Variants in RREB1 observed in about 807,000 individuals in gnomAD.
RREB1 encodes ras responsive element binding protein 1.
Under a neutral mutation model 117.8 loss-of-function variants are expected in RREB1, and 27 were observed. That is an observed-to-expected ratio of 0.23 (90% confidence interval 0.17 to 0.32). The LOEUF (loss-of-function observed/expected upper bound fraction) is 0.32, where lower values mean the gene tolerates loss of function less well. Among genes scored for constraint, RREB1 ranks in the 10% least tolerant of loss-of-function variants. RREB1 has a pLI of 1.00. For missense variants in RREB1, 2,577 were observed against 2,378.2 expected, an observed-to-expected ratio of 1.08 and a Z score of -1.74; for synonymous variants, 1,298 against 1,026.7, an observed-to-expected ratio of 1.26 and a Z score of -5.05.
Position 7,143,916 on chromosome 6 carries a change from T to C in RREB1, c.-284-32739T>C, listed in dbSNP as rs144407695. 4.2e-5 allele frequency among the ~76,000 whole-genome samples: 6 copies of C among 141,610 alleles called. No homozygotes were observed. In the East Asian group the frequency reaches 1.4e-3, roughly 32 times the overall value. The allele number at this position is 141,610 out of a possible 152,430, so 92.9% of individuals were successfully genotyped here. The stretch of plus-strand genomic sequence containing the variant: ...TTAAATACCACCATTTTGTCCACAC[T>C]AGAATTTCTTTGACCCAACTTACAT... On this transcript the variant is annotated intron_variant, in intron 1 of 12. Transcript: ENST00000379938.
chr6:7,186,587 G>A (rs1211701915), intron 4 of RREB1, among the ~76,000 whole-genome samples: 4 of 152,178 alleles, frequency 2.6e-5, no homozygotes, highest in African/African-American at 4.8e-5. Flanking sequence ...GGGACTGTGG[G>A]GGTGAGGAGT....
At chr6:7,126,280 G>T (rs868679246) in intron 1 of RREB1, among the ~76,000 whole-genome samples, 1 of 150,236 alleles carries the variant, frequency 6.7e-6, no homozygotes, top group South Asian at 2.1e-4. Context: ...GATTACAGGC[G>T]TGAGCCACTG....
intron 1 of RREB1, among the ~76,000 whole-genome samples, chr6:7,172,377 G>A (rs1382258315): frequency 6.6e-6 from 1 of 151,858 alleles, no homozygotes; most frequent in Non-Finnish European, 1.5e-5. Context: ...TGTCTTGAAT[G>A]TGGCCTGTAC....
intron 2 of RREB1, among the ~76,000 whole-genome samples, chr6:7,177,803 A>G (rs909548556): frequency 7.2e-5 from 11 of 151,946 alleles, no homozygotes; most frequent in African/African-American, 2.4e-4. Flanking sequence ...GCTCACTGCA[A>G]CCTCTGCCTC....
At chr6:7,211,800 C>T in intron 8 of RREB1, 91 bp downstream of exon 8, 1 of 1,352,256 alleles carries the variant, frequency 7.4e-7, no homozygotes, top group Non-Finnish European at 1.0e-6. Flanking sequence ...CACCGGGCTC[C>T]AGTGATTGAA....
rs1180723766 is a variant in RREB1, at chr6:7,231,803, A to G, written c.3704A>G (p.Lys1235Arg). 1 of 1,613,614 alleles carries G rather than the reference A, an allele frequency of 6.2e-7. No homozygotes were observed. The highest frequency in any genetic ancestry group is 1.3e-5 in the African/African-American group (1 of 74,934). ...SPPEDKLLRA[K>R]RNSYTNCLQK... is the part of the protein sequence containing the mutation. ...CCAGAAGACAAGCTGCTGAGGGCCA[A>G]GCGGAACTCGTACACCAACTGCCTG... The change falls in exon 10 of 13, where the codon AAG (lysine) becomes AGG (arginine). Residue 1235 changes from lysine to arginine, a missense_variant. Lys to Arg is a conservative substitution (Grantham distance 26, BLOSUM62 2). Transcript: ENST00000379938.
At chr6:7,184,793 G>C (rs1388881731) in intron 4 of RREB1, 1 of 151,254 alleles carries the variant, frequency 6.6e-6, no homozygotes, top group Non-Finnish European at 1.5e-5. Flanking sequence ...TTGTCTCCCT[G>C]TGGCTGGTCA....
At chr6:7,247,702 C>G (rs1207202902) in intron 12 of RREB1, among the ~76,000 whole-genome samples, 1 of 152,196 alleles carries the variant, frequency 6.6e-6, no homozygotes, top group Non-Finnish European at 1.5e-5. Flanking sequence ...TGCAGTTCGG[C>G]TGAGATGACT....
At chr6:7,114,906 AG>A (rs1332426025) in intron 1 of RREB1, among the ~76,000 whole-genome samples, 3 of 151,958 alleles carry the variant, frequency 2.0e-5, no homozygotes, top group Non-Finnish European at 4.4e-5. Flanking sequence ...CAGCTTTCCC[AG>A]TCACCTCTTC....
intron 8 of RREB1, among the ~76,000 whole-genome samples, chr6:7,220,199 T>C (rs1767163270): frequency 6.6e-6 from 1 of 152,204 alleles, no homozygotes; most frequent in Non-Finnish European, 1.5e-5. Flanking sequence ...TCTTATCCTC[T>C]TACAGAAACA....
intron 9 of RREB1, among the ~76,000 whole-genome samples, chr6:7,226,924 TC>T (rs1767617611): frequency 6.6e-6 from 1 of 152,200 alleles, no homozygotes; most frequent in African/African-American, 2.4e-5. Flanking sequence ...TTTTGTCCGT[TC>T]TTGGGTCTTT....
intron 11 of RREB1, 45 bp from the exon 12 acceptor site, chr6:7,246,379 C>G: frequency 1.4e-6 from 2 of 1,424,826 alleles, no homozygotes; most frequent in Admixed American, 2.8e-5. Context: ...ATGGGCGTAC[C>G]TGGTGGTGCC....
At chr6:7,202,517 G>A (rs1015749536) in intron 6 of RREB1, among the ~76,000 whole-genome samples, 15 of 152,154 alleles carry the variant, frequency 9.9e-5, no homozygotes, top group Admixed American at 6.5e-4. Context: ...GGTGGCCGGC[G>A]ATGGCTTCCC....
In RREB1 at chr6:7,230,348, C is replaced by T. The variant is rs772845697; in HGVS notation, c.2249C>T (p.Ala750Val). ...SAAELVDAFC[A>V]PDTVCRLCGE... ...GCCGAGCTGGTGGACGCCTTCTGCGCCCCGGACACCGTGTGCCGGCTGTGC... is the reference window on the plus strand; with the variant it reads ...GCCGAGCTGGTGGACGCCTTCTGCGTCCCGGACACCGTGTGCCGGCTGTGC... The change falls in exon 10 of 13, where the codon GCC becomes GTC. Residue 750 changes from alanine to valine, a missense_variant. Transcript: ENST00000379938. 19 of 1,591,022 alleles carry T rather than the reference C, an allele frequency of 1.2e-5. No individual in the cohort carries two copies. The highest frequency in any genetic ancestry group is 1.7e-5 in the Admixed American group (1 of 59,568).
chr6:7,137,533 C>G (rs1470437664), intron 1 of RREB1, among the ~76,000 whole-genome samples: 1 of 152,212 alleles, frequency 6.6e-6, no homozygotes, highest in Admixed American at 6.5e-5. Flanking sequence ...AACACATAGG[C>G]AGATGAAACT....
At chr6:7,213,733 C>T (rs1766743927) in intron 8 of RREB1, 1 of 152,278 alleles carries the variant, frequency 6.6e-6, no homozygotes, top group African/African-American at 2.4e-5. Flanking sequence ...CACAGGGGAC[C>T]CCAGCTCCTG....
At chr6:7,220,466 AAAAG>A (rs1345610258) in intron 8 of RREB1, among the ~76,000 whole-genome samples, 3 of 152,230 alleles carry the variant, frequency 2.0e-5, no homozygotes, top group Non-Finnish European at 2.9e-5. Context: ...TTTTAAAAGA[AAAAG>A]AAAGTTTTGT....
chr6:7,165,981 A>G (rs1201007423), intron 1 of RREB1, among the ~76,000 whole-genome samples: 1 of 152,176 alleles, frequency 6.6e-6, no homozygotes, highest in Non-Finnish European at 1.5e-5. Context: ...AGCTCAATCC[A>G]AAGCAAGTGA....
intron 1 of RREB1, among the ~76,000 whole-genome samples, chr6:7,162,661 T>C (rs939568448): frequency 2.6e-5 from 4 of 152,052 alleles, no homozygotes; most frequent in Non-Finnish European, 1.5e-5. Flanking sequence ...CCTTACCCTA[T>C]GTGTAGGGTA....
Sources: allele counts gnomAD v4.1 joint callset (sites outside exome capture counted in the v4.1 genomes callset), GRCh38; gene constraint gnomAD v4.1.1; transcripts MANE v1.5; gene names NCBI Gene and HGNC (gene_info 2026-07-23, HGNC 2026-07-21).